The following RIMS1 variants were observed in gnomAD, a reference collection of about 807,000 sequenced individuals.
RIMS1 encodes the protein regulating synaptic membrane exocytosis protein 1.
RIMS1 carries 83 observed loss-of-function variants against 214.1 expected under a neutral mutation model. The ratio of observed to expected loss-of-function variants is 0.39; its 90% CI spans 0.32 to 0.47. The LOEUF is 0.47. Among genes scored for constraint, RIMS1 ranks in the 20% least tolerant of loss-of-function variants. RIMS1 has a pLI of 0.99. For synonymous variants in RIMS1, 793 were observed against 786.8 expected (o/e 1.01, Z -0.13); for missense variants, 2,050 against 2,161.8 (o/e 0.95, Z 1.03).
chr6:72,270,243 TTAAAA>T (rs1425164330), intron 22 of RIMS1, among the ~76,000 whole-genome samples: 32 of 152,250 alleles, frequency 2.1e-4, no homozygotes, highest in African/African-American at 7.0e-4. Flanking sequence ...TGTGTATTAA[TTAAAA>T]TAAGTTAAAT....
chr6:72,047,946 G>T (rs1206950766), intron 2 of RIMS1, among the ~76,000 whole-genome samples: 5 of 152,048 alleles, frequency 3.3e-5, no homozygotes, highest in Non-Finnish European at 7.4e-5. Flanking sequence ...AGTAGTAATG[G>T]ATTCAAACCC....
At chr6:72,003,591 T>C (rs947760322) in intron 2 of RIMS1, among the ~76,000 whole-genome samples, 2 of 151,952 alleles carry the variant, frequency 1.3e-5, no homozygotes, top group African/African-American at 4.8e-5. Context: ...GATATACAAT[T>C]TTGCTTGCAG....
chr6:72,205,938 A>T (rs540334234), intron 6 of RIMS1, among the ~76,000 whole-genome samples: 1 of 152,126 alleles, frequency 6.6e-6, no homozygotes, highest in African/African-American at 2.4e-5. Context: ...AGGGAAAGGG[A>T]TTGCTAATTA....
chr6:72,153,403 T>C (rs1289922599), intron 4 of RIMS1, among the ~76,000 whole-genome samples: 1 of 152,030 alleles, frequency 6.6e-6, no homozygotes, highest in Non-Finnish European at 1.5e-5. Context: ...TTTGGTCAAA[T>C]ATTTTAAACC....
chr6:71,899,832 G>T (rs1248037320), intron 1 of RIMS1, among the ~76,000 whole-genome samples: 1 of 152,006 alleles, frequency 6.6e-6, no homozygotes, highest in Non-Finnish European at 1.5e-5. Context: ...ACTAATGAGA[G>T]TGTCTTTCAA....
intron 2 of RIMS1, among the ~76,000 whole-genome samples, chr6:72,026,464 C>CG (rs1343410792): frequency 6.3e-5 from 9 of 143,206 alleles, no homozygotes; most frequent in East Asian, 4.5e-4. Flanking sequence ...CGCCCCCCCC[C>CG]CCAACTTTTT....
chr6:72,175,628 G>A lies in RIMS1; in HGVS notation c.472-3947G>A, dbSNP rs867419034. 3.8e-4 allele frequency among the ~76,000 whole-genome samples: 58 copies of A among 151,686 alleles called. 1 individual carries two copies. The highest frequency in any genetic ancestry group is 1.3e-3 in the African/African-American group (54 of 41,294). On this transcript the variant is annotated intron_variant, in intron 4 of 33. Coordinates refer to ENST00000521978, the MANE Select transcript of RIMS1 (RefSeq NM_014989.7). Reference sequence around the variant, plus strand: ...GCGGAGGTTGCAGTGAGCCAAGATCGCGACACTGAACTCCAGCCTGGGCAA... The same window carrying A: ...GCGGAGGTTGCAGTGAGCCAAGATCACGACACTGAACTCCAGCCTGGGCAA...
chr6:72,117,180 T>G (rs1009891475), intron 4 of RIMS1, among the ~76,000 whole-genome samples: 3 of 151,902 alleles, frequency 2.0e-5, no homozygotes, highest in African/African-American at 7.2e-5. Context: ...ATTCAGTAGG[T>G]TTGGAATGGG....
chr6:72,265,865 G>A, intron 21 of RIMS1, 95 bp from the exon 22 acceptor site: 1 of 790,356 alleles, frequency 1.3e-6, no homozygotes, highest in Non-Finnish European at 2.1e-6. Flanking sequence ...GTGTAAAGGG[G>A]ACATTATTTT....
chr6:72,033,182 A>G (rs1818630050), intron 2 of RIMS1, among the ~76,000 whole-genome samples: 2 of 152,192 alleles, frequency 1.3e-5, no homozygotes, highest in Non-Finnish European at 1.5e-5. Flanking sequence ...CCTTAGATCT[A>G]CAGTTCAAAA....
intron 29 of RIMS1, among the ~76,000 whole-genome samples, chr6:72,335,883 GTGTT>G (rs2096827443): frequency 6.6e-6 from 1 of 151,904 alleles, no homozygotes; most frequent in Non-Finnish European, 1.5e-5. Context: ...CTCTTGAGAA[GTGTT>G]TGTTCATATT....
chr6:72,098,175 T>G (rs2032409479), intron 3 of RIMS1, among the ~76,000 whole-genome samples: 1 of 152,236 alleles, frequency 6.6e-6, no homozygotes, highest in Non-Finnish European at 1.5e-5. Flanking sequence ...ACAGTTAAAT[T>G]TAAAACAAAC....
At chr6:71,942,552 G>A (rs1056989146) in intron 1 of RIMS1, among the ~76,000 whole-genome samples, 1 of 152,048 alleles carries the variant, frequency 6.6e-6, no homozygotes, top group African/African-American at 2.4e-5. Context: ...TATGGTTATA[G>A]TTTTATGCTA....
At chr6:72,092,010 T>C (rs1314016246) in intron 2 of RIMS1, among the ~76,000 whole-genome samples, 1 of 152,180 alleles carries the variant, frequency 6.6e-6, no homozygotes, top group East Asian at 1.9e-4. Flanking sequence ...TCTTAAAGCA[T>C]TAAAACATCA....
intron 5 of RIMS1, among the ~76,000 whole-genome samples, chr6:72,181,396 G>A (rs937755798): frequency 4.6e-5 from 7 of 152,162 alleles, no homozygotes; most frequent in African/African-American, 1.7e-4. Context: ...AATTGTTGTG[G>A]GAGAAGAAGA....
intron 1 of RIMS1, among the ~76,000 whole-genome samples, chr6:71,892,749 G>A (rs935765436): frequency 6.6e-6 from 1 of 152,064 alleles, no homozygotes; most frequent in African/African-American, 2.4e-5. Context: ...ATTGTTTCAG[G>A]TATTAGAATT....
chr6:72,279,569 A>G (rs118144190), intron 23 of RIMS1, among the ~76,000 whole-genome samples: 558 of 152,194 alleles, frequency 3.7e-3, no homozygotes, highest in Non-Finnish European at 6.7e-3. Flanking sequence ...TAATATTGTA[A>G]AGATAAAAAA....
intron 2 of RIMS1, among the ~76,000 whole-genome samples, chr6:72,015,111 C>A (rs1490403019): frequency 6.6e-6 from 1 of 151,980 alleles, no homozygotes; most frequent in Non-Finnish European, 1.5e-5. Flanking sequence ...GGATGAAAGT[C>A]TAAACATGAA....
At chr6:71,964,902 G>A (rs1227975611) in intron 1 of RIMS1, among the ~76,000 whole-genome samples, 2 of 152,018 alleles carry the variant, frequency 1.3e-5, no homozygotes, top group Non-Finnish European at 2.9e-5. Context: ...AGGAAAGGTG[G>A]CCAGCTACAG....
Sources: allele counts gnomAD v4.1 joint callset (sites outside exome capture counted in the v4.1 genomes callset), GRCh38; gene constraint gnomAD v4.1.1; transcripts MANE v1.5; gene names NCBI Gene and HGNC (gene_info 2026-07-23, HGNC 2026-07-21).